NHSL3: variants seen among roughly 807,000 people sequenced by gnomAD.
NHSL3 encodes NHS like 3.
At chr1:32,752,414 C>G in the NHSL3 span, among the ~76,000 whole-genome samples, 1 of 152,214 alleles carries the variant, frequency 6.6e-6, no homozygotes, top group Admixed American at 6.5e-5. Context: ...AGACTTCCAG[C>G]CCAGTGCTCT....
At chr1:32,746,082 TTAG>T in the NHSL3 span, among the ~76,000 whole-genome samples, 6 of 151,080 alleles carry the variant, frequency 4.0e-5, no homozygotes, top group Non-Finnish European at 8.9e-5. Context: ...ATACAAAAAA[TTAG>T]CCAGGTGTGG....
At chr1:32,760,833 C>A in the NHSL3 span, among the ~76,000 whole-genome samples, 1 of 152,154 alleles carries the variant, frequency 6.6e-6, no homozygotes, top group Non-Finnish European at 1.5e-5. Flanking sequence ...TCGCGATCCA[C>A]CCGCCTTGGC....
chr1:32,749,471 A>AGAT, the NHSL3 span, among the ~76,000 whole-genome samples: 39 of 152,100 alleles, frequency 2.6e-4, no homozygotes, highest in African/African-American at 9.2e-4. Context: ...TCATGGCCCG[A>AGAT]GATGTCATAG....
chr1:32,767,821 T>G, the NHSL3 span: 1 of 1,613,560 alleles, frequency 6.2e-7, no homozygotes, highest in Non-Finnish European at 8.5e-7. Context: ...AACATCTAAG[T>G]GTAGGGCCTG....
At chr1:32,765,646 T>C in the NHSL3 span, 1 of 1,532,000 alleles carries the variant, frequency 6.5e-7, no homozygotes, top group South Asian at 1.2e-5. Context: ...CTGGAGCCGG[T>C]GCTCTGCGGC....
chr1:32,771,135 C>T, the NHSL3 span: 6 of 1,612,818 alleles, frequency 3.7e-6, no homozygotes, highest in South Asian at 1.1e-5. Flanking sequence ...AGATATTGAC[C>T]CCCCTGGGTG....
chr1:32,770,398 C>T, the NHSL3 span: 237 of 1,607,818 alleles, frequency 1.5e-4, no homozygotes, highest in African/African-American at 4.8e-4. The surrounding 1 kb of genome is among the most constrained non-coding windows in gnomAD (Gnocchi z 8.3). Flanking sequence ...GCCCCGCAGC[C>T]GCCACCCATC....
the NHSL3 span, chr1:32,742,320 G>C: frequency 1.1e-5 from 10 of 893,424 alleles, no homozygotes; most frequent in Non-Finnish European, 1.5e-5. Context: ...AAAGCGAAGA[G>C]GCCAGGGCTG....
chr1:32,771,277 A>G, the NHSL3 span: 1 of 1,608,526 alleles, frequency 6.2e-7, no homozygotes, highest in Non-Finnish European at 8.5e-7. Context: ...TGTTTCTACC[A>G]CTGACGCCAG....
chr1:32,757,609 T>G, the NHSL3 span, among the ~76,000 whole-genome samples: 2 of 152,036 alleles, frequency 1.3e-5, no homozygotes, highest in Non-Finnish European at 1.5e-5. Context: ...GTAGCAGAGA[T>G]AAAAATAAGT....
At chr1:32,773,663 G>A in the NHSL3 span, 2 of 152,760 alleles carry the variant, frequency 1.3e-5, no homozygotes, top group East Asian at 1.9e-4. Context: ...GAGTCATCTC[G>A]GGGCACTTGG....
At chr1:32,771,262 G>C in the NHSL3 span, 3 of 1,612,058 alleles carry the variant, frequency 1.9e-6, no homozygotes, top group Non-Finnish European at 2.5e-6. Flanking sequence ...TGTGGTTCCT[G>C]GGCCTGTTTC....
chr1:32,756,111 G>T, the NHSL3 span, among the ~76,000 whole-genome samples: 3 of 152,138 alleles, frequency 2.0e-5, no homozygotes, highest in African/African-American at 7.2e-5. Flanking sequence ...AAGCTTTAAG[G>T]CGTTCTGAAA....
chr1:32,765,683 G>A, the NHSL3 span: 11 of 1,538,798 alleles, frequency 7.1e-6, no homozygotes, highest in Middle Eastern at 1.7e-4. Flanking sequence ...CATCCCCATA[G>A]TGCTGGGTTA....
At chr1:32,751,273 C>G in the NHSL3 span, among the ~76,000 whole-genome samples, 1 of 152,218 alleles carries the variant, frequency 6.6e-6, no homozygotes, top group African/African-American at 2.4e-5. Flanking sequence ...CCACAGGATC[C>G]TGGAGCAAGC....
At chr1:32,770,159 G>A in the NHSL3 span, 12 of 1,594,962 alleles carry the variant, frequency 7.5e-6, no homozygotes, top group Middle Eastern at 1.7e-4. This position sits in a 1 kb window ranked among gnomAD's most constrained non-coding sequence, Gnocchi z 8.3. Context: ...GCAGTGCCTG[G>A]ATTGACAGGA....
chr1:32,748,655 G>T, the NHSL3 span, among the ~76,000 whole-genome samples: 5 of 152,160 alleles, frequency 3.3e-5, no homozygotes, highest in Non-Finnish European at 7.4e-5. Flanking sequence ...GAGAGTTGGG[G>T]TTGGGCAGTA....
chr1:32,752,550 CAG>C, the NHSL3 span, among the ~76,000 whole-genome samples: 1 of 152,138 alleles, frequency 6.6e-6, no homozygotes, highest in East Asian at 1.9e-4. Flanking sequence ...GATGAGGAGA[CAG>C]AGGTGGGAGC....
chr1:32,764,477 T>C, the NHSL3 span, among the ~76,000 whole-genome samples: 3 of 151,918 alleles, frequency 2.0e-5, no homozygotes, highest in African/African-American at 7.3e-5. Flanking sequence ...TTTTCTTTTT[T>C]TTTTTTTTGA....
Sources: allele counts gnomAD v4.1 joint callset (sites outside exome capture counted in the v4.1 genomes callset), GRCh38; gene constraint gnomAD v4.1.1; non-coding constraint Gnocchi (gnomAD v3.1); transcripts MANE v1.5; gene names NCBI Gene and HGNC (gene_info 2026-07-23, HGNC 2026-07-21).